OTOG: variants seen among roughly 807,000 people sequenced by gnomAD.
OTOG encodes the protein otogelin.
Under a neutral mutation model 313.8 loss-of-function variants are expected in OTOG, and 296 were observed. The observed-to-expected ratio is 0.94, with a 90% CI of 0.86 to 1.04. The LOEUF (loss-of-function observed/expected upper bound fraction) is 1.04. Among genes scored for constraint, OTOG ranks in the 50% least tolerant of loss-of-function variants. OTOG has a pLI of 0.00. For missense variants in OTOG, 3,948 were observed against 3,840.1 expected (o/e 1.03, Z -0.74); for synonymous variants, 1,533 against 1,554.9 (o/e 0.99, Z 0.33).
chr11:17,568,176 A>G (rs986150434), intron 15 of OTOG, among the ~76,000 whole-genome samples: 14 of 152,124 alleles, frequency 9.2e-5, no homozygotes, highest in Admixed American at 3.3e-4. Context: ...CAGAGTGCTG[A>G]GATTACAGGC....
At chr11:17,593,984 C>T in intron 27 of OTOG, 63 bp from the exon 28 acceptor site, 1 of 1,546,226 alleles carries the variant, frequency 6.5e-7, no homozygotes, top group East Asian at 2.4e-5. Context: ...CATGGTGACC[C>T]CTCTGCCCGT....
At position 17,559,559 on chromosome 11, in the gene OTOG, T is replaced by A; in HGVS notation, c.1239T>A (p.Phe413Leu). 1 of 1,550,722 alleles carries A rather than the reference T, an allele frequency of 6.4e-7. No homozygotes were observed. Among genetic ancestry groups the A allele is most frequent in the East Asian group, 2.4e-5 (1 of 40,916 alleles). Reference protein sequence around the residue: ...QCTVHCKEKAFTYNECIACCP... With the variant: ...QCTVHCKEKALTYNECIACCP... The stretch of plus-strand genomic sequence containing the variant: ...CTGTGCACTGCAAGGAGAAGGCCTT[T>A]ACCTACAATGAGTGCATCGCCTGCT... Residue 413 changes from phenylalanine to leucine, a missense_variant, in exon 12 of 56, where the codon TTT (phenylalanine) becomes TTA (leucine). Coordinates refer to ENST00000399397, the MANE Select transcript of OTOG (RefSeq NM_001292063.2).
chr11:17,592,546 G>GACAC (rs3073106), intron 25 of OTOG, among the ~76,000 whole-genome samples: 9 of 151,098 alleles, frequency 6.0e-5, no homozygotes, highest in African/African-American at 1.2e-4. Context: ...GTGAGACATG[G>GACAC]ACACACACAC....
chr11:17,558,267 C>A lies in OTOG; in HGVS notation c.948C>A (p.Ser316=). 6.4e-7 allele frequency: 1 copy of A among 1,550,712 alleles called. No individual in the cohort carries two copies. Among genetic ancestry groups the A allele is most frequent in the Non-Finnish European group, 8.7e-7 (1 of 1,147,024 alleles). Residue 316 remains serine, a synonymous_variant, in exon 9 of 56, where the codon TCC becomes TCA. Coordinates refer to ENST00000399397, the MANE Select transcript of OTOG (RefSeq NM_001292063.2). Reference sequence around the variant, plus strand: ...ACCAGCCTCCAGGGCCCACAACTTCCTCCCTGCCTCGCCCACCGTGCCTAC... The same window carrying A: ...ACCAGCCTCCAGGGCCCACAACTTCATCCCTGCCTCGCCCACCGTGCCTAC... ...APNQPPGPTT[S]SLPRPPCLQQ... is the part of the protein sequence containing the mutation.
At chr11:17,630,135 C>T (rs1221644525) in intron 40 of OTOG, among the ~76,000 whole-genome samples, 1 of 152,174 alleles carries the variant, frequency 6.6e-6, no homozygotes, top group Non-Finnish European at 1.5e-5. Flanking sequence ...CTTTGTGCAA[C>T]ACATATTGCC....
chr11:17,570,086 A>G, intron 16 of OTOG, 127 bp from the exon 17 acceptor site: 1 of 800,402 alleles, frequency 1.2e-6, no homozygotes, highest in South Asian at 1.8e-5. Flanking sequence ...GCACGCAGGC[A>G]GGCAGGCAGG....
chr11:17,631,098 A>G (rs1437817404), intron 40 of OTOG, among the ~76,000 whole-genome samples: 1 of 152,026 alleles, frequency 6.6e-6, no homozygotes, highest in African/African-American at 2.4e-5. Context: ...CGTCACCTTC[A>G]CTCATATGCC....
At chr11:17,557,443 C>A in intron 8 of OTOG, 120 bp downstream of exon 8, 2 of 991,800 alleles carry the variant, frequency 2.0e-6, no homozygotes, top group Non-Finnish European at 3.0e-6. Context: ...GTATTAAAGA[C>A]CCAATGGAAG....
At chr11:17,632,427 A>G (rs1299442558) in intron 42 of OTOG, among the ~76,000 whole-genome samples, 2 of 152,124 alleles carry the variant, frequency 1.3e-5, no homozygotes, top group African/African-American at 4.8e-5. Flanking sequence ...AGTACATTTT[A>G]TACTAATGAA....
At chr11:17,568,162 C>T (rs1421777411) in intron 15 of OTOG, among the ~76,000 whole-genome samples, 1 of 152,176 alleles carries the variant, frequency 6.6e-6, no homozygotes, top group Non-Finnish European at 1.5e-5. Flanking sequence ...CCACCTTGGC[C>T]TCCCAGAGTG....
rs896622449 is a variant in OTOG at position 17,632,095 on chromosome 11, C to T, written c.6941C>T (p.Pro2314Leu). 11 of 1,550,804 alleles carry T rather than the reference C, an allele frequency of 7.1e-6. No individual in the cohort carries two copies. Among genetic ancestry groups the T allele is most frequent in the East Asian group, 2.4e-5 (1 of 40,926 alleles). Residue 2314 changes from proline (P) to leucine (L), a missense_variant, in exon 42 of 56, where the codon CCG (proline) becomes CTG (leucine). Coordinates refer to ENST00000399397, the MANE Select transcript of OTOG (RefSeq NM_001292063.2). ...TFSACHRFVP[P>L]ESFCELWIRD... ...CCTGATGCATATGTCCAGGTGCCTC[C>T]GGAGTCATTCTGTGAGCTGTGGATC...
intron 47 of OTOG, 146 bp downstream of exon 47, chr11:17,635,857 C>T (rs953797514): frequency 1.5e-5 from 10 of 676,878 alleles, no homozygotes; most frequent in East Asian, 1.1e-4. Context: ...GAATCCAGGA[C>T]GAGTGCAGGC....
chr11:17,572,241 T>G, intron 18 of OTOG, 37 bp downstream of exon 18: 1 of 1,547,564 alleles, frequency 6.5e-7, no homozygotes, highest in Non-Finnish European at 8.7e-7. Flanking sequence ...CATGGTTGAG[T>G]GGGGTGGGGA....
At chr11:17,600,980 G>T (rs192715552) in intron 31 of OTOG, among the ~76,000 whole-genome samples, 3 of 152,232 alleles carry the variant, frequency 2.0e-5, no homozygotes, top group African/African-American at 4.8e-5. Flanking sequence ...GCAGGCTCAC[G>T]CCGCCTCTCT....
intron 15 of OTOG, among the ~76,000 whole-genome samples, chr11:17,567,897 CTTTT>C (rs2134019194): frequency 5.0e-3 from 1 of 200 alleles, no homozygotes; most frequent in East Asian, 0.17. Flanking sequence ...GTAACACTTT[CTTTT>C]CTTTTCTTTT....
intron 23 of OTOG, among the ~76,000 whole-genome samples, chr11:17,581,156 T>C (rs899567107): frequency 1.3e-5 from 2 of 152,106 alleles, no homozygotes; most frequent in African/African-American, 4.8e-5. Flanking sequence ...CAGTTCACCC[T>C]GAAGTGTTCA....
Position 17,604,843 on chromosome 11 carries a change from G to A in OTOG, c.3878-1014G>A, listed in dbSNP as rs184761507. 4.2e-3 allele frequency among the ~76,000 whole-genome samples: 637 copies of A among 152,354 alleles called. 3 individuals carry two copies. The highest frequency in any genetic ancestry group is 0.015 in the African/African-American group (616 of 41,584). ...AACCAGCTTGCTTAGCACAGTGCCT[G>A]GCACGTAGCGAGTCATGTGTAAACA... On this transcript the variant is annotated intron_variant, in intron 32 of 55. Transcript: ENST00000399397.
Position 17,640,745 on chromosome 11 carries a change from T to A in OTOG, c.7936T>A (p.Trp2646Arg). The A allele has an allele frequency of 1.9e-6, 3 of 1,549,738 alleles. No homozygotes were observed. Among genetic ancestry groups the A allele is most frequent in the Non-Finnish European group, 2.6e-6 (3 of 1,146,942 alleles). ...DTIPVPRCHLWEKSQLDEEFM... is the reference protein window; with the variant it reads ...DTIPVPRCHLREKSQLDEEFM... ...TGCTGACTGCCTCTGCCCCACCCAGTGGGAGAAATCCCAGCTGGATGAGGA... is the reference window on the plus strand; with the variant it reads ...TGCTGACTGCCTCTGCCCCACCCAGAGGGAGAAATCCCAGCTGGATGAGGA... Residue 2646 changes from tryptophan to arginine, a missense_variant and splice_region_variant, in exon 50 of 56, where the codon TGG becomes AGG. By Grantham distance (101) the Trp-to-Arg change is moderately radical. Transcript: ENST00000399397.
At chr11:17,573,858 C>G (rs145999745) in intron 19 of OTOG, among the ~76,000 whole-genome samples, 117 of 152,328 alleles carry the variant, frequency 7.7e-4, no homozygotes, top group South Asian at 1.2e-3. Context: ...GAGTTCTATT[C>G]CAGCCCTGCA....
Sources: gnomAD v4.1 joint callset for allele counts (sites outside exome capture counted in the v4.1 genomes callset) on GRCh38, gnomAD v4.1.1 for gene constraint, MANE v1.5 for transcripts, NCBI Gene and HGNC (gene_info 2026-07-23, HGNC 2026-07-21) for gene names.